Variants in TRAM2 observed in about 807,000 individuals in gnomAD.
TRAM2 encodes the protein translocation associated membrane protein 2, also known as translocating chain-associated membrane protein 2.
TRAM2 carries 12 observed loss-of-function variants against 51.0 expected under a neutral mutation model. The observed-to-expected ratio is 0.24, with a 90% confidence interval of 0.15 to 0.38. TRAM2 has a LOEUF of 0.38. Ranked by LOEUF, TRAM2 falls within the 10% of genes least tolerant of loss-of-function variation. The pLI is 1.00. For synonymous variants in TRAM2, 175 were observed against 179.4 expected (o/e 0.98, Z 0.20); for missense variants, 361 against 462.0 (o/e 0.78, Z 2.00).
In TRAM2 at chr6:52,506,040, G is replaced by C; in HGVS notation, c.723C>G (p.Asn241Lys). The C allele has an allele frequency of 6.2e-7, 1 of 1,613,166 alleles. No individual in the cohort carries two copies. The highest frequency in any genetic ancestry group is 8.5e-7 in the Non-Finnish European group (1 of 1,179,144). ...ARLFYFADEN[N>K]EKLFSAWAAV... is the part of the protein sequence containing the mutation. ...GCAGCAGACCCACTTACAGTTTCTC[G>C]TTGTTTTCATCTGCAAAGTAGAAGA... The change falls in exon 8 of 11, where the codon AAC becomes AAG. Residue 241 changes from asparagine to lysine, a missense_variant. Coordinates refer to ENST00000182527, the MANE Select transcript of TRAM2 (RefSeq NM_012288.4).
chr6:52,542,358 G>A (rs9474241), intron 1 of TRAM2, among the ~76,000 whole-genome samples: 1 of 151,764 alleles, frequency 6.6e-6, no homozygotes, highest in Non-Finnish European at 1.5e-5. Flanking sequence ...CAGGTATGTG[G>A]TCGGGGTGTG....
At chr6:52,558,778 A>G (rs561034082) in intron 1 of TRAM2, among the ~76,000 whole-genome samples, 80 of 152,324 alleles carry the variant, frequency 5.3e-4, no homozygotes, top group African/African-American at 1.8e-3. Flanking sequence ...AGCAATGGCA[A>G]ATACGATCCC....
Position 52,553,361 on chromosome 6 carries a change from A to C in TRAM2, c.121-17515T>G, listed in dbSNP as rs368764155. Among the ~76,000 whole-genome samples, 13 of 152,394 alleles carry C rather than the reference A, an allele frequency of 8.5e-5. No homozygotes were observed. The South Asian group carries it at 1.2e-3, about 15-fold the overall frequency. On this transcript the variant is annotated intron_variant, in intron 1 of 10. Transcript: ENST00000182527. The stretch of plus-strand genomic sequence containing the variant: ...AAGGCTCTGACAAGTCCTGCAATAA[A>C]GAAACAGTAAAGAAACAGCCTAGCA...
intron 1 of TRAM2, among the ~76,000 whole-genome samples, chr6:52,539,434 CA>C (rs1443853662): frequency 1.3e-5 from 2 of 151,718 alleles, no homozygotes; most frequent in African/African-American, 4.8e-5. Flanking sequence ...ACAAAATCCA[CA>C]AATAATAAGG....
chr6:52,521,784 C>A (rs942356397), intron 2 of TRAM2, among the ~76,000 whole-genome samples: 18 of 152,070 alleles, frequency 1.2e-4, no homozygotes, highest in Non-Finnish European at 2.2e-4. Context: ...AATCCTCACA[C>A]GACCCAGGTT....
At chr6:52,542,276 TAAAAAAAATAGTC>T (rs1767113324) in intron 1 of TRAM2, among the ~76,000 whole-genome samples, 1 of 147,760 alleles carries the variant, frequency 6.8e-6, no homozygotes, top group Admixed American at 6.7e-5. Context: ...TTTTTTTTTT[TAAAAAAAATAGTC>T]TTTTAGCCTT....
Position 52,531,628 on chromosome 6 carries a change from T to C in TRAM2, c.184+4155A>G, listed in dbSNP as rs374988846. On this transcript the variant is annotated intron_variant, in intron 2 of 10. Transcript: ENST00000182527. Reference sequence around the variant, plus strand: ...ACAGTTACTAGAACCCCCTGAGGTGTCTGCGCCCTCACTTGAGGGCTTTTG... The same window carrying C: ...ACAGTTACTAGAACCCCCTGAGGTGCCTGCGCCCTCACTTGAGGGCTTTTG... 3.3e-5 allele frequency among the ~76,000 whole-genome samples: 5 copies of C among 152,264 alleles called. No individual in the cohort carries two copies. The South Asian group carries it at 1.0e-3, about 32-fold the overall frequency.
rs117059962 is a variant in TRAM2, at chr6:52,550,968, G to C, written c.121-15122C>G. On this transcript the variant is annotated intron_variant, in intron 1 of 10. Transcript: ENST00000182527. Reference sequence around the variant, plus strand: ...GGCAGACAAATCGCCACTCTTTATGGGCCATCTAATTTCCAAAGGACCAAC... The same window carrying C: ...GGCAGACAAATCGCCACTCTTTATGCGCCATCTAATTTCCAAAGGACCAAC... 7.8e-4 allele frequency among the ~76,000 whole-genome samples: 118 copies of C among 152,236 alleles called. No homozygotes were observed. The East Asian group carries it at 0.021, about 27-fold the overall frequency.
chr6:52,524,771 T>C (rs1766744276), intron 2 of TRAM2: 1 of 152,204 alleles, frequency 6.6e-6, no homozygotes, highest in Admixed American at 6.5e-5. Context: ...TTTTCTTCCA[T>C]AGGGAGCGAG....
intron 1 of TRAM2, among the ~76,000 whole-genome samples, chr6:52,573,354 C>T (rs1455197400): frequency 6.6e-6 from 1 of 152,176 alleles, no homozygotes; most frequent in Non-Finnish European, 1.5e-5. Flanking sequence ...CCACCTAAGA[C>T]AGGACTGAAG....
chr6:52,565,803 C>T (rs1767581221), intron 1 of TRAM2, among the ~76,000 whole-genome samples: 2 of 152,218 alleles, frequency 1.3e-5, no homozygotes, highest in Non-Finnish European at 2.9e-5. Context: ...TACATACAGG[C>T]TGTGCCTACT....
At chr6:52,550,325 C>T (rs1053270780) in intron 1 of TRAM2, among the ~76,000 whole-genome samples, 7 of 152,282 alleles carry the variant, frequency 4.6e-5, no homozygotes, top group South Asian at 2.1e-4. Context: ...TAGCTCCCCA[C>T]GTTCGCAAGC....
chr6:52,517,296 T>A (rs1766569873), intron 2 of TRAM2: 1 of 153,146 alleles, frequency 6.5e-6, no homozygotes, highest in Non-Finnish European at 1.5e-5. Flanking sequence ...GAGGACAACA[T>A]TTCCTGCATA....
intron 6 of TRAM2, 127 bp downstream of exon 6, chr6:52,508,107 C>T (rs1458000704): frequency 1.2e-6 from 1 of 844,748 alleles, no homozygotes; most frequent in East Asian, 2.7e-5. Flanking sequence ...GCTCAATCCC[C>T]AACATATTCC....
rs1766203805 is a variant in TRAM2, at chr6:52,500,761, T to C, written c.*2436A>G. Reference sequence around the variant, plus strand: ...AGGCATGAGAATGAGGGTTGCTTGATGGCAAGATTTCAGCTGCTCTGCTCA... The same window carrying C: ...AGGCATGAGAATGAGGGTTGCTTGACGGCAAGATTTCAGCTGCTCTGCTCA... On this transcript the variant is annotated 3_prime_UTR_variant, in exon 11 of 11. Transcript: ENST00000182527. The C allele has an allele frequency of 1.3e-5, 2 of 152,276 alleles. No homozygotes were observed. Among genetic ancestry groups the C allele is most frequent in the South Asian group, 4.1e-4 (2 of 4,828 alleles). 9.4% of individuals were successfully genotyped at this position (152,276 alleles called of 1,614,324 possible).
intron 7 of TRAM2, among the ~76,000 whole-genome samples, chr6:52,506,877 CGGG>C (rs1766359916): frequency 6.6e-6 from 1 of 152,166 alleles, no homozygotes; most frequent in East Asian, 1.9e-4. Flanking sequence ...CAACGCACCT[CGGG>C]ATTTCCAGGC....
chr6:52,553,053 C>A (rs1344780635), intron 1 of TRAM2, among the ~76,000 whole-genome samples: 1 of 152,158 alleles, frequency 6.6e-6, no homozygotes, highest in Non-Finnish European at 1.5e-5. Flanking sequence ...TCCTCCCCTC[C>A]CACTATCCAT....
At chr6:52,571,794 G>A (rs1767685320) in intron 1 of TRAM2, among the ~76,000 whole-genome samples, 2 of 152,198 alleles carry the variant, frequency 1.3e-5, no homozygotes, top group Non-Finnish European at 2.9e-5. Flanking sequence ...CAGCCAAGAT[G>A]CTCAATGAGC....
At chr6:52,521,069 ATTTT>A (rs776432117) in intron 2 of TRAM2, among the ~76,000 whole-genome samples, 1 of 146,122 alleles carries the variant, frequency 6.8e-6, no homozygotes, top group Non-Finnish European at 1.5e-5. Flanking sequence ...GTTCCGGCAA[ATTTT>A]TTTTTTTTGT....
Sources: allele counts gnomAD v4.1 joint callset (sites outside exome capture counted in the v4.1 genomes callset), GRCh38; gene constraint gnomAD v4.1.1; transcripts MANE v1.5; gene names NCBI Gene and HGNC (gene_info 2026-07-23, HGNC 2026-07-21).